The following LIG4 variants were observed in gnomAD, a reference collection of about 807,000 sequenced individuals.
LIG4 encodes DNA ligase 4.
LIG4 carries 13 observed loss-of-function variants against 19.0 expected under a neutral mutation model. The ratio of observed to expected loss-of-function variants is 0.68; its 90% CI spans 0.44 to 1.09. LIG4 has a LOEUF of 1.09. LIG4 is among the 50% of genes least tolerant of loss of function. The probability of loss-of-function intolerance (pLI) is 0.00; values close to 1 mark genes in which losing one functional copy is unlikely to be tolerated. For missense variants in LIG4, 1,026 were observed against 1,089.7 expected (o/e 0.94, Z 0.82); for synonymous variants, 361 against 358.2 (o/e 1.01, Z -0.09).
At chr13:108,211,406 T>C in intron 2 of LIG4, 110 bp from the exon 3 acceptor site, 1 of 726,102 alleles carries the variant, frequency 1.4e-6, no homozygotes, top group South Asian at 1.6e-5. Flanking sequence ...TTTATTAATG[T>C]TTACTAAAAA....
rs141102614 is a variant in LIG4 at position 108,210,699 on chromosome 13, G to A, written c.570C>T (p.Ile190=). The part of the protein sequence containing the change: ...ALEQKWLIRM[I]IKDLKLGVSQ... ...TAACACCAAGCTTTAAATCCTTTAT[G>A]ATCATCCGTATAAGCCACTTTTGCT... Residue 190 remains isoleucine (I), a synonymous_variant, in exon 3 of 3, where the codon ATC becomes ATT. Coordinates refer to ENST00000442234, the MANE Select transcript of LIG4 (RefSeq NM_206937.2). The A allele has an allele frequency of 1.1e-5, 18 of 1,613,738 alleles. No homozygotes were observed. The highest frequency in any genetic ancestry group is 1.7e-5 in the Admixed American group (1 of 59,986).
Position 108,208,258 on chromosome 13 carries a change from G to T in LIG4, c.*275C>A. 1 of 279,540 alleles carries T rather than the reference G, an allele frequency of 3.6e-6. No homozygotes were observed. Among genetic ancestry groups the T allele is most frequent in the Non-Finnish European group, 6.7e-6 (1 of 148,930 alleles). The allele number at this position is 279,540 out of a possible 1,614,324, so 17.3% of individuals were successfully genotyped here. The stretch of plus-strand genomic sequence containing the variant: ...AGTAAAAATTCTAGATTTCTATATG[G>T]ATATTATAAAAACACCTCTTCTTTA... On this transcript the variant is annotated 3_prime_UTR_variant, in exon 3 of 3. Transcript: ENST00000442234.
chr13:108,212,722 T>A (rs1313594088), intron 2 of LIG4, among the ~76,000 whole-genome samples: 1 of 151,216 alleles, frequency 6.6e-6, no homozygotes, highest in African/African-American at 2.4e-5. Flanking sequence ...CATTATCTAG[T>A]ATCCAGTAAA....
At chr13:108,215,673 C>G (rs1292267453), upstream of LIG4, 1 of 151,154 alleles carries the variant, frequency 6.6e-6, no homozygotes, top group Non-Finnish European at 1.5e-5. Context: ...GCTGCGGAGG[C>G]GGGACCTGCA....
At chr13:108,215,983 G>GTT (rs111554188), upstream of LIG4, among the ~76,000 whole-genome samples, 1 of 146,438 alleles carries the variant, frequency 6.8e-6, no homozygotes, top group East Asian at 2.0e-4. Flanking sequence ...ATATAGAGCT[G>GTT]TTTTTTTTTT....
In LIG4 at chr13:108,212,221, G is replaced by C. The variant is rs188643782; in HGVS notation, c.-28-925C>G. Among the ~76,000 whole-genome samples, 468 of 151,478 alleles carry C rather than the reference G, an allele frequency of 3.1e-3. 1 individual carries two copies. The highest frequency in any genetic ancestry group is 5.0e-3 in the Non-Finnish European group (336 of 67,876). ...AAAAAAGAAAAGAAAAAAAGGGGGG[G>C]AGTGTAGTGGAAACTGAGTATAATA... On this transcript the variant is annotated intron_variant, in intron 2 of 2. Transcript: ENST00000442234.
chr13:108,210,336 A>G lies in LIG4; in HGVS notation c.933T>C (p.Leu311=), dbSNP rs1210539491. The G allele has an allele frequency of 6.2e-7, 1 of 1,613,870 alleles. No individual in the cohort carries two copies. The highest frequency in any genetic ancestry group is 1.3e-5 in the African/African-American group (1 of 74,934). ...TGAATGCATTATGAATGAATGGGGT[A>G]AGAGAACCTTCAGTAGGAGAAGCAC... The part of the protein sequence containing the change: ...QFGASPTEGS[L]TPFIHNAFKA... Residue 311 remains leucine, a synonymous_variant, in exon 3 of 3, where the codon CTT becomes CTC. Transcript: ENST00000442234.
In LIG4 at chr13:108,210,771, T is replaced by A; in HGVS notation, c.498A>T (p.Leu166=). ...ASNNSAKRKD[L]IKKSLLQLIT... is the part of the protein sequence containing the mutation. ...TAAGTTGAAGAAGGCTCTTTTTTAT[T>A]AGGTCTTTTCTTTTAGCAGAATTAT... Residue 166 remains leucine, a synonymous_variant, in exon 3 of 3, where the codon CTA becomes CTT. Coordinates refer to ENST00000442234, the MANE Select transcript of LIG4 (RefSeq NM_206937.2). 4 of 1,614,040 alleles carry A rather than the reference T, an allele frequency of 2.5e-6. No individual in the cohort carries two copies. Among genetic ancestry groups the A allele is most frequent in the Non-Finnish European group, 3.4e-6 (4 of 1,179,966 alleles).
At chr13:108,214,197 A>C (rs890669653) in intron 2 of LIG4, among the ~76,000 whole-genome samples, 1 of 152,182 alleles carries the variant, frequency 6.6e-6, no homozygotes, top group Non-Finnish European at 1.5e-5. Context: ...GACGAATGCA[A>C]CTGAAGTATC....
upstream of LIG4, chr13:108,218,197 C>T (rs939723842): frequency 7.9e-5 from 12 of 152,260 alleles, no homozygotes; most frequent in Admixed American, 5.9e-4. Flanking sequence ...CTCCCGAGCT[C>T]ATCGGGTCCG....
rs1365474542 is a variant in LIG4, at chr13:108,208,987, T to C, written c.2282A>G (p.Tyr761Cys). Reference protein sequence around the residue: ...KEHFAREYDCYGDSYFIDTDL... With the variant: ...KEHFAREYDCCGDSYFIDTDL... ...TGTATCAATGAAATAACTATCACCA[T>C]AGCAATCATATTCACGGGCAAAATG... The change falls in exon 3 of 3, where the codon TAT (tyrosine) becomes TGT (cysteine). Residue 761 changes from tyrosine (Y) to cysteine (C), a missense_variant. Transcript: ENST00000442234. 3.1e-6 allele frequency: 5 copies of C among 1,613,994 alleles called. No individual in the cohort carries two copies. Among genetic ancestry groups the C allele is most frequent in the African/African-American group, 2.7e-5 (2 of 74,920 alleles).
chr13:108,212,464 G>A (rs3093753), intron 2 of LIG4, among the ~76,000 whole-genome samples: 4,596 of 152,080 alleles, frequency 0.03, 236 homozygotes, highest in African/African-American at 0.11. Flanking sequence ...ATTTTAATAT[G>A]GTTTAAACTA....
chr13:108,216,517 C>T (rs556430305), upstream of LIG4, among the ~76,000 whole-genome samples: 1 of 152,328 alleles, frequency 6.6e-6, no homozygotes, highest in South Asian at 2.1e-4. Flanking sequence ...GAGGTTCCGT[C>T]TAGCCCAAGA....
At position 108,209,474 on chromosome 13, in the gene LIG4, G is replaced by A; in HGVS notation, c.1795C>T (p.Leu599=). 6.2e-7 allele frequency: 1 copy of A among 1,614,036 alleles called. No individual in the cohort carries two copies. Among genetic ancestry groups the A allele is most frequent in the Non-Finnish European group, 8.5e-7 (1 of 1,180,012 alleles). The change falls in exon 3 of 3, where the codon CTA becomes TTA. Residue 599 remains leucine, a synonymous_variant. Coordinates refer to ENST00000442234, the MANE Select transcript of LIG4 (RefSeq NM_206937.2). Reference sequence around the variant, plus strand: ...GATGCCTTCCCCCTAAGTTGTTCTAGGTCGTCCAGGGTCATGCACTCATGC... The same window carrying A: ...GATGCCTTCCCCCTAAGTTGTTCTAAGTCGTCCAGGGTCATGCACTCATGC... ...EWHECMTLDD[L]EQLRGKASGK...
At chr13:108,215,135 G>C (rs3093737) in intron 1 of LIG4, among the ~76,000 whole-genome samples, 3,534 of 45,928 alleles carry the variant, frequency 0.077, 225 homozygotes, top group East Asian at 0.13. Flanking sequence ...ACACCTCACA[G>C]ACCCTAACCT....
Position 108,210,278 on chromosome 13 carries a change from C to T in LIG4, c.991G>A (p.Glu331Lys). 6.2e-7 allele frequency: 1 copy of T among 1,613,984 alleles called. No homozygotes were observed. The highest frequency in any genetic ancestry group is 8.5e-7 in the Non-Finnish European group (1 of 1,179,918). Reference protein sequence around the residue: ...ADIQICILDGEMMAYNPNTQT... With the variant: ...ADIQICILDGKMMAYNPNTQT... Reference sequence around the variant, plus strand: ...GTATTAGGATTATAGGCCATCATCTCACCATCAAGAATACAGATTTGTATA... The same window carrying T: ...GTATTAGGATTATAGGCCATCATCTTACCATCAAGAATACAGATTTGTATA... The change falls in exon 3 of 3, where the codon GAG becomes AAG. Residue 331 changes from glutamate (E) to lysine (K), a missense_variant. Glu to Lys is a moderately conservative substitution (Grantham distance 56). This residue lies in a region of LIG4 where 493 missense variants were observed against 544.5 expected (regional missense o/e 0.91). Coordinates refer to ENST00000442234, the MANE Select transcript of LIG4 (RefSeq NM_206937.2).
upstream of LIG4, among the ~76,000 whole-genome samples, chr13:108,217,354 G>T (rs1193809391): frequency 6.6e-5 from 10 of 152,260 alleles, no homozygotes; most frequent in South Asian, 2.1e-4. Context: ...CGTCTCTACT[G>T]AAGAAAAATA....
At chr13:108,217,396 G>T (rs1158506534), upstream of LIG4, among the ~76,000 whole-genome samples, 1 of 152,224 alleles carries the variant, frequency 6.6e-6, no homozygotes, top group African/African-American at 2.4e-5. Flanking sequence ...GCGCATGCCT[G>T]TAATCCCAGC....
At position 108,210,100 on chromosome 13, in the gene LIG4, C is replaced by T. The variant is rs35469724; in HGVS notation, c.1169G>A (p.Ser390Asn). The T allele has an allele frequency of 1.7e-5, 27 of 1,613,288 alleles. No individual in the cohort carries two copies. The African/African-American group carries it at 3.3e-4, about 20-fold the overall frequency. ...ACCTGGAATTGGTGTAAAAATACTACTAAGAATCTCATACCTCTTTCTCAG... is the reference window on the plus strand; with the variant it reads ...ACCTGGAATTGGTGTAAAAATACTATTAAGAATCTCATACCTCTTTCTCAG... ...ETLRKRYEIL[S>N]SIFTPIPGRI... Residue 390 changes from serine to asparagine, a missense_variant, in exon 3 of 3, where the codon AGT becomes AAT. Physicochemically the swap from Ser to Asn is conservative, Grantham distance 46 (BLOSUM62 1). Around this residue, in one of 3 missense-constraint regions of LIG4, gnomAD observed 493 missense variants for 544.5 expected, o/e 0.91. Transcript: ENST00000442234.
Sources: gnomAD v4.1 joint callset for allele counts (sites outside exome capture counted in the v4.1 genomes callset) on GRCh38, gnomAD v4.1.1 for gene constraint, gnomAD v4.1.1 regional missense constraint, MANE v1.5 for transcripts, NCBI Gene and HGNC (gene_info 2026-07-23, HGNC 2026-07-21) for gene names.